ADSS1: variants seen among roughly 807,000 people sequenced by gnomAD.
ADSS1 encodes adenylosuccinate synthase 1.
In ADSS1, 57 loss-of-function variants were observed where a neutral mutation model predicts 59.1. That is an observed-to-expected ratio of 0.97 (90% confidence interval 0.78 to 1.20). The LOEUF is 1.20. ADSS1 is among the 50% of genes most tolerant of loss of function. The probability of loss-of-function intolerance (pLI) is 0.00; values close to 1 mark genes in which losing one functional copy is unlikely to be tolerated. For synonymous variants in ADSS1, 247 were observed against 249.4 expected, an observed-to-expected ratio of 0.99 and a Z score of 0.09; for missense variants, 603 against 610.3, an observed-to-expected ratio of 0.99 and a Z score of 0.13.
Position 104,741,150 on chromosome 14 carries a change from G to A in ADSS1, c.700G>A (p.Asp234Asn), listed in dbSNP as rs2140811505. The change falls in exon 8 of 13, where the codon GAT (aspartate) becomes AAT (asparagine). Residue 234 changes from aspartate (D) to asparagine (N), a missense_variant. Asp to Asn is a conservative substitution (Grantham distance 23, BLOSUM62 1). Coordinates refer to ENST00000330877, the MANE Select transcript of ADSS1 (RefSeq NM_152328.5). ...FAERIRPMVR[D>N]GVYFMYEALH... ...TGAGCGGATCAGACCCATGGTCCGA[G>A]ATGGTGTTTACTTTATGTATGAGGC... The A allele has an allele frequency of 6.2e-7, 1 of 1,611,298 alleles. No homozygotes were observed. The highest frequency in any genetic ancestry group is 8.5e-7 in the Non-Finnish European group (1 of 1,178,320).
rs1011247395 is a variant in ADSS1, at chr14:104,744,734, G to C, written c.1074-78G>C. On this transcript the variant is annotated intron_variant, in intron 10 of 12. Transcript: ENST00000330877. ...CCCCTGCTGTAAGTAACAGAAGCGA[G>C]AGGTCAAAAGCAAGCGGAAGAAACC... is the stretch of plus-strand genomic sequence containing the variant. 2.9e-6 allele frequency: 4 copies of C among 1,393,672 alleles called. No homozygotes were observed. The East Asian group carries it at 9.2e-5, about 32-fold the overall frequency. 86.3% of individuals were successfully genotyped at this position (1,393,672 alleles called of 1,614,324 possible). A position where few individuals can be genotyped will look rare whatever the true frequency, so the allele number is the denominator to read the frequency against.
intron 10 of ADSS1, 103 bp from the exon 11 acceptor site, chr14:104,744,709 C>A: frequency 1.8e-6 from 2 of 1,096,452 alleles, no homozygotes; most frequent in South Asian, 2.7e-5. Context: ...GGACTGGGGA[C>A]CCCTGCTGTA....
In ADSS1 at chr14:104,725,770, T is replaced by G. The variant is rs1397629648; in HGVS notation, c.192+1308T>G. ...CTGCTCTTCACCCTCCAGGGCGCCC[T>G]CAGCGTGGGGCAGCCCCGGCCCCTG... On this transcript the variant is annotated intron_variant, in intron 1 of 12. Coordinates refer to ENST00000330877, the MANE Select transcript of ADSS1 (RefSeq NM_152328.5). 2.6e-5 allele frequency among the ~76,000 whole-genome samples: 4 copies of G among 152,124 alleles called. No homozygotes were observed. In the East Asian group the frequency reaches 7.7e-4, roughly 29 times the overall value.
chr14:104,724,277 G>A lies in ADSS1; in HGVS notation c.7G>A (p.Gly3Arg). MS[G>R]TRASNDRPPG... The stretch of plus-strand genomic sequence containing the variant: ...GCGGAAGAGCCAAGCCAGCATGTCG[G>A]GGACCCGAGCCTCCAACGACCGGCC... The change falls in exon 1 of 13, where the codon GGG (glycine) becomes AGG (arginine). Residue 3 changes from glycine to arginine, a missense_variant. Coordinates refer to ENST00000330877, the MANE Select transcript of ADSS1 (RefSeq NM_152328.5). The A allele has an allele frequency of 8.1e-7, 1 of 1,229,694 alleles. No homozygotes were observed. The highest frequency in any genetic ancestry group is 1.0e-6 in the Non-Finnish European group (1 of 985,170). 76.2% of individuals were successfully genotyped at this position (1,229,694 alleles called of 1,614,324 possible). A position where few individuals can be genotyped will look rare whatever the true frequency, so the allele number is the denominator to read the frequency against.
In ADSS1 at chr14:104,739,733, C is replaced by T; in HGVS notation, c.410-17C>T. 2 of 1,613,790 alleles carry T rather than the reference C, an allele frequency of 1.2e-6. No homozygotes were observed. Among genetic ancestry groups the T allele is most frequent in the South Asian group, 2.2e-5 (2 of 91,062 alleles). ...TCTCTCCTGTCTCCTGCTGCCCTCA[C>T]CTGGCCCGCCCGACAGTGTTTGATT... On this transcript the variant is annotated splice_polypyrimidine_tract_variant and intron_variant, in intron 4 of 12. Coordinates refer to ENST00000330877, the MANE Select transcript of ADSS1 (RefSeq NM_152328.5).
chr14:104,724,400 G>T lies in ADSS1; in HGVS notation c.130G>T (p.Glu44Ter). 1 of 1,263,070 alleles carries T rather than the reference G, an allele frequency of 7.9e-7. No individual in the cohort carries two copies. 78.2% of individuals were successfully genotyped at this position (1,263,070 alleles called of 1,614,324 possible). The change falls in exon 1 of 13, where the codon GAG (glutamate) becomes TAG (stop). Residue 44 changes from glutamate to a stop codon, truncating the protein, a stop_gained. Coordinates refer to ENST00000330877, the MANE Select transcript of ADSS1 (RefSeq NM_152328.5). LOFTEE classifies it high-confidence loss of function. ...TVVLGAQWGD[E>*]GKGKVVDLLA... is the part of the protein sequence containing the mutation. ...GGTGCTGGGCGCGCAGTGGGGGGACGAGGGCAAAGGCAAGGTGGTGGACCT... is the reference window on the plus strand; with the variant it reads ...GGTGCTGGGCGCGCAGTGGGGGGACTAGGGCAAAGGCAAGGTGGTGGACCT...
rs759582869 is a variant in ADSS1 at position 104,740,932 on chromosome 14, G to A, written c.666+12G>A. 4 of 1,613,916 alleles carry A rather than the reference G, an allele frequency of 2.5e-6. No individual in the cohort carries two copies. Among genetic ancestry groups the A allele is most frequent in the Middle Eastern group, 3.3e-4 (2 of 6,062 alleles). ...TCAAAAGGCTCAAGGTGAAGTCGGGGCCGCAGTGTGGGGGCTGCGGAAGTG... is the reference window on the plus strand; with the variant it reads ...TCAAAAGGCTCAAGGTGAAGTCGGGACCGCAGTGTGGGGGCTGCGGAAGTG... On this transcript the variant is annotated intron_variant, in intron 7 of 12. Transcript: ENST00000330877. The surrounding 1 kb of genome is among the most constrained non-coding windows in gnomAD (Gnocchi z 4.8).
intron 3 of ADSS1, among the ~76,000 whole-genome samples, chr14:104,738,782 G>A (rs373372027): frequency 1.5e-3 from 222 of 152,356 alleles, no homozygotes; most frequent in Non-Finnish European, 2.5e-3. Flanking sequence ...GGGCTCTGCG[G>A]AGCATCTGGC....
intron 1 of ADSS1, among the ~76,000 whole-genome samples, chr14:104,734,153 G>A (rs1404657161): frequency 6.6e-6 from 1 of 152,214 alleles, no homozygotes; most frequent in Non-Finnish European, 1.5e-5. Context: ...CTGCCTGCAC[G>A]TAGGGGAGCC....
chr14:104,728,670 C>T (rs1890789912), intron 1 of ADSS1, among the ~76,000 whole-genome samples: 1 of 152,210 alleles, frequency 6.6e-6, no homozygotes, highest in Non-Finnish European at 1.5e-5. Context: ...AGTGCCAGTG[C>T]CAAGAGGTTG....
intron 2 of ADSS1, among the ~76,000 whole-genome samples, chr14:104,736,903 T>TATAA (rs1234591501): frequency 2.9e-5 from 4 of 140,144 alleles, no homozygotes; most frequent in Non-Finnish European, 4.6e-5. Flanking sequence ...TATATATATA[T>TATAA]ATATATATAT....
At chr14:104,736,881 G>T (rs1199193866) in intron 2 of ADSS1, among the ~76,000 whole-genome samples, 7 of 106,598 alleles carry the variant, frequency 6.6e-5, no homozygotes, top group Non-Finnish European at 1.2e-4. Context: ...GCACCTAGCT[G>T]ATATATATAT....
chr14:104,727,536 G>C (rs1890750243), intron 1 of ADSS1, among the ~76,000 whole-genome samples: 1 of 152,096 alleles, frequency 6.6e-6, no homozygotes, highest in Non-Finnish European at 1.5e-5. Context: ...CTGCCTGTCT[G>C]TGCTGGGGTC....
chr14:104,734,140 C>G (rs1338441281), intron 1 of ADSS1, among the ~76,000 whole-genome samples: 4 of 152,216 alleles, frequency 2.6e-5, no homozygotes, highest in Non-Finnish European at 5.9e-5. Context: ...GAAGCGGGGC[C>G]TCCTGCCTGC....
At position 104,731,978 on chromosome 14, in the gene ADSS1, A is replaced by G. The variant is rs1890948252; in HGVS notation, c.193-3042A>G. ...CTGGAGGCACCAGTGCGTCTGTGCA[A>G]GAGGAGGAAGCCCTGTGAGAGGGCA... On this transcript the variant is annotated intron_variant, in intron 1 of 12. Transcript: ENST00000330877. Among the ~76,000 whole-genome samples, 3 of 152,206 alleles carry G rather than the reference A, an allele frequency of 2.0e-5. No individual in the cohort carries two copies. In the South Asian group the frequency reaches 6.2e-4, roughly 31 times the overall value.
intron 1 of ADSS1, chr14:104,730,100 G>A: frequency 6.4e-7 from 1 of 1,551,352 alleles, no homozygotes; most frequent in South Asian, 1.2e-5. Context: ...CCCAACTAGG[G>A]TGACGCTGGG....
At chr14:104,727,109 G>A (rs1445972716) in intron 1 of ADSS1, among the ~76,000 whole-genome samples, 1 of 152,182 alleles carries the variant, frequency 6.6e-6, no homozygotes, top group Non-Finnish European at 1.5e-5. Context: ...TCTGCCCAGA[G>A]GTGATCTGGG....
Position 104,740,538 on chromosome 14 carries a change from G to A in ADSS1, c.477-63G>A. Reference sequence around the variant, plus strand: ...TGAGCCGGCGGGGGTCATGGCCTCAGTGGGATGCCTGAGCTCCTCAGGGCT... The same window carrying A: ...TGAGCCGGCGGGGGTCATGGCCTCAATGGGATGCCTGAGCTCCTCAGGGCT... On this transcript the variant is annotated intron_variant, in intron 5 of 12. Coordinates refer to ENST00000330877, the MANE Select transcript of ADSS1 (RefSeq NM_152328.5). This position sits in a 1 kb window ranked among gnomAD's most constrained non-coding sequence, Gnocchi z 4.8. 1 of 1,500,886 alleles carries A rather than the reference G, an allele frequency of 6.7e-7. No individual in the cohort carries two copies. 93.0% of individuals were successfully genotyped at this position (1,500,886 alleles called of 1,614,324 possible).
At chr14:104,731,068 C>T (rs528624750) in intron 1 of ADSS1, among the ~76,000 whole-genome samples, 20 of 148,314 alleles carry the variant, frequency 1.3e-4, no homozygotes, top group African/African-American at 4.0e-4. Flanking sequence ...AGGTAGAGAG[C>T]GCCAGGGGGC....
Sources: allele counts gnomAD v4.1 joint callset (sites outside exome capture counted in the v4.1 genomes callset), GRCh38; gene constraint gnomAD v4.1.1; non-coding constraint Gnocchi (gnomAD v3.1); transcripts MANE v1.5; gene names NCBI Gene and HGNC (gene_info 2026-07-23, HGNC 2026-07-21).